The following SEMA6D variants were observed in gnomAD, a reference collection of about 807,000 sequenced individuals.
The protein encoded by SEMA6D is semaphorin-6D.
SEMA6D carries 35 observed loss-of-function variants against 106.6 expected under a neutral mutation model. The observed-to-expected ratio is 0.33, with a 90% CI of 0.25 to 0.44. SEMA6D has a LOEUF of 0.44. Among genes scored for constraint, SEMA6D ranks in the 20% least tolerant of loss-of-function variants. SEMA6D has a pLI of 1.00. For missense variants in SEMA6D, 1,185 were observed against 1,345.9 expected (o/e 0.88, Z 1.87); for synonymous variants, 499 against 487.7 (o/e 1.02, Z -0.31).
Position 47,277,112 on chromosome 15 carries a change from C to T in SEMA6D, c.-239+92694C>T, listed in dbSNP as rs78166561. Among the ~76,000 whole-genome samples, 158 of 152,178 alleles carry T rather than the reference C, an allele frequency of 1.0e-3. 4 individuals are homozygous for T. The East Asian group carries it at 0.028, about 27-fold the overall frequency. On this transcript the variant is annotated intron_variant, in intron 1 of 19. Transcript: ENST00000558014. ...GAATTGCTGCAATTTCATGATATAA[C>T]GTTAATGGATGAGGAGTTGCTTCTT...
intron 4 of SEMA6D, among the ~76,000 whole-genome samples, chr15:47,601,065 G>GTAC (rs2076645085): frequency 6.6e-6 from 1 of 151,884 alleles, no homozygotes; most frequent in Non-Finnish European, 1.5e-5. Flanking sequence ...GCTTGACTAA[G>GTAC]TACTGGTCTT....
intron 18 of SEMA6D, among the ~76,000 whole-genome samples, chr15:47,769,008 T>G (rs1334955907): frequency 6.6e-6 from 1 of 152,218 alleles, no homozygotes; most frequent in Non-Finnish European, 1.5e-5. Context: ...GATTTCTGTC[T>G]GAAGAAGCAG....
At chr15:47,453,531 A>G (rs989963298) in intron 2 of SEMA6D, among the ~76,000 whole-genome samples, 7 of 151,964 alleles carry the variant, frequency 4.6e-5, no homozygotes, top group Middle Eastern at 3.2e-3. Context: ...CTGAGAAGAA[A>G]GAGCTGGGAA....
In SEMA6D at chr15:47,412,747, A is replaced by G. The variant is rs539804328; in HGVS notation, c.-159+275A>G. On this transcript the variant is annotated intron_variant, in intron 2 of 19. Transcript: ENST00000558014. ...GAGGAAATGGTTTCCATTTTGAACA[A>G]TGAAACTACGTGTATTCAGAAGAGA... Among the ~76,000 whole-genome samples the G allele has an allele frequency of 1.2e-3, 181 of 152,306 alleles. 1 individual carries two copies. The highest frequency in any genetic ancestry group is 4.2e-3 in the African/African-American group (176 of 41,574).
intron 2 of SEMA6D, among the ~76,000 whole-genome samples, chr15:47,469,299 GGTGT>G (rs71299525): frequency 2.3e-4 from 35 of 149,362 alleles, no homozygotes; most frequent in Admixed American, 5.3e-4. Flanking sequence ...GTTGCTTTAA[GGTGT>G]GTGTGTGTGT....
chr15:47,669,878 T>A (rs1414614192), intron 4 of SEMA6D, among the ~76,000 whole-genome samples: 1 of 152,208 alleles, frequency 6.6e-6, no homozygotes, highest in Non-Finnish European at 1.5e-5. Flanking sequence ...CAACCCATCT[T>A]CTTCCAGACA....
intron 3 of SEMA6D, among the ~76,000 whole-genome samples, chr15:47,553,737 A>C (rs556787897): frequency 6.6e-6 from 1 of 152,030 alleles, no homozygotes; most frequent in Non-Finnish European, 1.5e-5. Flanking sequence ...GTGTTGTTTG[A>C]TAAGAAGGCA....
At chr15:47,647,570 G>C (rs1394533624) in intron 4 of SEMA6D, among the ~76,000 whole-genome samples, 1 of 152,122 alleles carries the variant, frequency 6.6e-6, no homozygotes, top group Non-Finnish European at 1.5e-5. Context: ...ATTTTAAAAA[G>C]AGGAGAAAAT....
intron 3 of SEMA6D, among the ~76,000 whole-genome samples, chr15:47,559,131 A>G (rs1446838051): frequency 6.6e-6 from 1 of 152,134 alleles, no homozygotes; most frequent in Non-Finnish European, 1.5e-5. Flanking sequence ...AACCAAAGGC[A>G]TCTGGAAAGA....
chr15:47,465,310 T>G (rs1383756409), intron 2 of SEMA6D, among the ~76,000 whole-genome samples: 1 of 152,162 alleles, frequency 6.6e-6, no homozygotes, highest in Non-Finnish European at 1.5e-5. Context: ...TATTAATTGG[T>G]TCTTAATAAT....
chr15:47,465,894 ATAATAT>A (rs59798170), intron 2 of SEMA6D, among the ~76,000 whole-genome samples: 41,453 of 151,912 alleles, frequency 0.27, 5,804 homozygotes, highest in Middle Eastern at 0.44. Context: ...CAATTCTGCA[ATAATAT>A]TACCTATTGG....
At chr15:47,348,722 A>ACACACACACAC (rs1567016690) in intron 1 of SEMA6D, among the ~76,000 whole-genome samples, 36 of 37,042 alleles carry the variant, frequency 9.7e-4, no homozygotes, top group African/African-American at 2.7e-3. Flanking sequence ...CACACACCAC[A>ACACACACACAC]CACACAGAGA....
chr15:47,199,414 G>A (rs1894568378), intron 1 of SEMA6D, among the ~76,000 whole-genome samples: 1 of 152,150 alleles, frequency 6.6e-6, no homozygotes, highest in African/African-American at 2.4e-5. Context: ...GTATAAGCAA[G>A]CCACTTAGAG....
chr15:47,745,159 C>T lies in SEMA6D; in HGVS notation c.-54-14586C>T, dbSNP rs74595596. On this transcript the variant is annotated intron_variant, in intron 1 of 18. Coordinates refer to ENST00000536845, the MANE Select transcript of SEMA6D (RefSeq NM_001358351.3). ...AGCGTAATTATCTCTGGCATTAGAA[C>T]CACACACCCTTCCTCACAGTTGTAC... Among the ~76,000 whole-genome samples the T allele has an allele frequency of 1.8e-4, 27 of 152,306 alleles. No individual in the cohort carries two copies. The East Asian group carries it at 5.0e-3, about 28-fold the overall frequency.
chr15:47,441,263 A>G (rs2041873393), intron 2 of SEMA6D, among the ~76,000 whole-genome samples: 1 of 152,042 alleles, frequency 6.6e-6, no homozygotes. Context: ...TCATCTTGTC[A>G]TTGACATTTA....
At chr15:47,328,244 C>G (rs2037208979) in intron 1 of SEMA6D, among the ~76,000 whole-genome samples, 1 of 152,194 alleles carries the variant, frequency 6.6e-6, no homozygotes, top group African/African-American at 2.4e-5. Flanking sequence ...AATCATGTAG[C>G]TAGCAAGGGT....
intron 2 of SEMA6D, among the ~76,000 whole-genome samples, chr15:47,468,367 A>T (rs1314450923): frequency 6.6e-6 from 1 of 152,202 alleles, no homozygotes; most frequent in Non-Finnish European, 1.5e-5. Context: ...ATGGTGTGGA[A>T]ACAAGTGTCT....
intron 1 of SEMA6D, among the ~76,000 whole-genome samples, 157 bp downstream of exon 1, chr15:47,717,849 T>C (rs1325272454): frequency 9.8e-5 from 14 of 143,378 alleles, no homozygotes; most frequent in African/African-American, 3.4e-4. Flanking sequence ...TGTGTGTGTG[T>C]GTGTGTGTGT....
At chr15:47,474,115 A>G (rs1417065204) in intron 3 of SEMA6D, among the ~76,000 whole-genome samples, 1 of 152,138 alleles carries the variant, frequency 6.6e-6, no homozygotes. Flanking sequence ...CCTTTGGCTC[A>G]TGAAGCTGAA....
Sources: allele counts gnomAD v4.1 joint callset (sites outside exome capture counted in the v4.1 genomes callset), GRCh38; gene constraint gnomAD v4.1.1; transcripts MANE v1.5; gene names NCBI Gene and HGNC (gene_info 2026-07-23, HGNC 2026-07-21).